MITF: variants seen among roughly 807,000 people sequenced by gnomAD.
MITF encodes microphthalmia-associated transcription factor.
A neutral mutation model predicts 60.5 loss-of-function variants in MITF; 17 were observed. The ratio of observed to expected loss-of-function variants is 0.28; its 90% CI spans 0.19 to 0.42. The LOEUF (loss-of-function observed/expected upper bound fraction) is 0.42. Ranked by LOEUF, MITF falls within the 10% of genes least tolerant of loss-of-function variation. The probability of loss-of-function intolerance (pLI) is 1.00; values close to 1 mark genes in which losing one functional copy is unlikely to be tolerated. For missense variants in MITF, 622 were observed against 683.5 expected, an observed-to-expected ratio of 0.91 and a Z score of 1.00; for synonymous variants, 260 against 248.5, an observed-to-expected ratio of 1.05 and a Z score of -0.43.
intron 8 of MITF, among the ~76,000 whole-genome samples, chr3:69,957,908 G>A (rs1185101998): frequency 6.6e-6 from 1 of 152,080 alleles, no homozygotes; most frequent in Non-Finnish European, 1.5e-5. Context: ...ATGTGCCTTG[G>A]GGCTGCTATA....
At chr3:69,924,133 A>G (rs746956776) in intron 2 of MITF, among the ~76,000 whole-genome samples, 6 of 152,162 alleles carry the variant, frequency 3.9e-5, no homozygotes, top group Non-Finnish European at 8.8e-5. Flanking sequence ...AAAATGTTTC[A>G]TTTGTGGCTA....
chr3:69,744,729 G>A (rs573880474), intron 1 of MITF, among the ~76,000 whole-genome samples: 6 of 152,246 alleles, frequency 3.9e-5, no homozygotes, highest in Middle Eastern at 3.4e-3. Context: ...GTGTTGTTAC[G>A]CAACACAGTT....
At chr3:69,939,501 A>G (rs997613204) in intron 4 of MITF, among the ~76,000 whole-genome samples, 1 of 152,078 alleles carries the variant, frequency 6.6e-6, no homozygotes. Flanking sequence ...TAGGTTAGCA[A>G]TTTTTGTATT....
At chr3:69,858,886 C>G (rs2063964360) in intron 1 of MITF, among the ~76,000 whole-genome samples, 1 of 152,126 alleles carries the variant, frequency 6.6e-6, no homozygotes, top group Non-Finnish European at 1.5e-5. Flanking sequence ...TTTTCATTAC[C>G]TAACAATGTT....
At chr3:69,783,492 A>G (rs2062599445) in intron 1 of MITF, among the ~76,000 whole-genome samples, 1 of 148,556 alleles carries the variant, frequency 6.7e-6, no homozygotes, top group Non-Finnish European at 1.5e-5. Flanking sequence ...TGTAGGATAT[A>G]TATATATATA....
chr3:69,907,395 A>G (rs564753108), intron 2 of MITF, among the ~76,000 whole-genome samples: 3 of 152,294 alleles, frequency 2.0e-5, no homozygotes, highest in East Asian at 1.9e-4. Flanking sequence ...TTGGATATCT[A>G]TGTACCAGGC....
At chr3:69,905,371 T>A (rs182744740) in intron 2 of MITF, among the ~76,000 whole-genome samples, 13 of 152,256 alleles carry the variant, frequency 8.5e-5, no homozygotes, top group Admixed American at 6.5e-4. Flanking sequence ...CAGTTTTTTT[T>A]ATCCATTCCC....
chr3:69,960,712 G>A (rs543536565), intron 9 of MITF, among the ~76,000 whole-genome samples: 44 of 152,148 alleles, frequency 2.9e-4, no homozygotes, highest in Non-Finnish European at 5.4e-4. Flanking sequence ...GTTATTTTAC[G>A]AAACAGCAAT....
At chr3:69,940,017 G>A (rs1576010038) in intron 4 of MITF, among the ~76,000 whole-genome samples, 1 of 152,220 alleles carries the variant, frequency 6.6e-6, no homozygotes, top group Middle Eastern at 3.4e-3. Context: ...TTCAAAACTG[G>A]CCAATTATTC....
chr3:69,816,900 T>A (rs927048918), intron 1 of MITF, among the ~76,000 whole-genome samples: 5 of 152,206 alleles, frequency 3.3e-5, no homozygotes, highest in Non-Finnish European at 7.3e-5. Context: ...GCTTTTGTTA[T>A]GTTACAAAGT....
intron 2 of MITF, among the ~76,000 whole-genome samples, chr3:69,927,826 A>G (rs571290933): frequency 6.6e-6 from 1 of 152,362 alleles, no homozygotes; most frequent in African/African-American, 2.4e-5. Context: ...ACAAAGCAGT[A>G]TCTGGCTCCA....
intron 1 of MITF, chr3:69,762,754 T>A (rs2062230156): frequency 4.5e-6 from 1 of 223,018 alleles, no homozygotes; most frequent in Non-Finnish European, 9.0e-6. Flanking sequence ...TGAATCCTCA[T>A]CTCTCCATGA....
At chr3:69,906,974 T>C (rs1383992848) in intron 2 of MITF, among the ~76,000 whole-genome samples, 1 of 152,150 alleles carries the variant, frequency 6.6e-6, no homozygotes, top group African/African-American at 2.4e-5. Flanking sequence ...CTAAATACTT[T>C]ATGTAAATTG....
chr3:69,940,879 A>C (rs1473395546), intron 4 of MITF, among the ~76,000 whole-genome samples: 2 of 152,194 alleles, frequency 1.3e-5, no homozygotes, highest in African/African-American at 4.8e-5. Flanking sequence ...ACTTTGGGCA[A>C]GCTGCTTCTC....
rs143204933 is a variant in MITF at position 69,739,769 on chromosome 3, C to G, written c.104+68C>G. On this transcript the variant is annotated intron_variant, in intron 1 of 9. Transcript: ENST00000352241. ...GGGCACTGCGTCTGCCACTCTGGGG[C>G]GAGGAGAGCGGGTCGCGGGAGCTCT... The G allele has an allele frequency of 8.9e-4, 1,070 of 1,202,152 alleles. 9 individuals are homozygous for G. In the African/African-American group the frequency reaches 0.014, roughly 16 times the overall value. 74.5% of individuals were successfully genotyped at this position (1,202,152 alleles called of 1,614,324 possible). A position where few individuals can be genotyped will look rare whatever the true frequency, so the allele number is the denominator to read the frequency against.
rs752009247 is a variant in MITF at position 69,739,588 on chromosome 3, A to G, written c.-10A>G. The stretch of plus-strand genomic sequence containing the variant: ...ACTTTCCAGCAGTGGAAGGACGGGA[A>G]GCGGGAGCCATGCAGTCCGAATCGG... On this transcript the variant is annotated 5_prime_UTR_variant, in exon 1 of 10. Coordinates refer to ENST00000352241, the MANE Select transcript of MITF (RefSeq NM_001354604.2). 1 of 1,563,428 alleles carries G rather than the reference A, an allele frequency of 6.4e-7. No homozygotes were observed. The highest frequency in any genetic ancestry group is 8.7e-7 in the Non-Finnish European group (1 of 1,151,866).
At chr3:69,914,224 A>C (rs1005486282) in intron 2 of MITF, among the ~76,000 whole-genome samples, 3 of 152,034 alleles carry the variant, frequency 2.0e-5, no homozygotes, top group Non-Finnish European at 4.4e-5. Flanking sequence ...CGGGTTCAAG[A>C]GATTCTCCTG....
chr3:69,802,069 T>C (rs1157718609), intron 1 of MITF, among the ~76,000 whole-genome samples: 1 of 152,174 alleles, frequency 6.6e-6, no homozygotes, highest in Non-Finnish European at 1.5e-5. Context: ...CACATTTTCA[T>C]ATGAGAAAAC....
At chr3:69,787,214 G>A (rs1054540587) in intron 1 of MITF, among the ~76,000 whole-genome samples, 4 of 152,156 alleles carry the variant, frequency 2.6e-5, no homozygotes, top group African/African-American at 9.7e-5. Flanking sequence ...AGGCTGGTTA[G>A]TATAGACACC....
Sources: gnomAD v4.1 joint callset for allele counts (sites outside exome capture counted in the v4.1 genomes callset) on GRCh38, gnomAD v4.1.1 for gene constraint, MANE v1.5 for transcripts, NCBI Gene and HGNC (gene_info 2026-07-23, HGNC 2026-07-21) for gene names.